The following SRCIN1 variants were observed in gnomAD, a reference collection of about 807,000 sequenced individuals.
SRCIN1 encodes the protein P130Cas-associated protein.
Under a neutral mutation model 116.2 loss-of-function variants are expected in SRCIN1, and 50 were observed. The ratio of observed to expected loss-of-function variants is 0.43; its 90% CI spans 0.34 to 0.54. The LOEUF (loss-of-function observed/expected upper bound fraction) is 0.54. SRCIN1 is among the 20% of genes least tolerant of loss of function. The probability of loss-of-function intolerance (pLI) is 0.02; values close to 1 mark genes in which losing one functional copy is unlikely to be tolerated. For missense variants in SRCIN1, 1,446 were observed against 1,672.0 expected (o/e 0.86, Z 2.36); for synonymous variants, 736 against 750.0 (o/e 0.98, Z 0.30).
chr17:38,596,333 C>A (rs751424298), intron 1 of SRCIN1, among the ~76,000 whole-genome samples: 1 of 152,088 alleles, frequency 6.6e-6, no homozygotes, highest in Non-Finnish European at 1.5e-5. Context: ...TTTGGGGCCC[C>A]CCAGGGCAGA....
In SRCIN1 at chr17:38,552,043, C is replaced by A. The variant is rs1201925948; in HGVS notation, c.2570G>T (p.Ser857Ile). 1 of 1,613,766 alleles carries A rather than the reference C, an allele frequency of 6.2e-7. No homozygotes were observed. Among genetic ancestry groups the A allele is most frequent in the Non-Finnish European group, 8.5e-7 (1 of 1,179,890 alleles). ...KVTAETDFNK[S>I]VDFEMPPPSP... ...GGGGGGTGGCATTTCGAAGTCCACG[C>A]TCTTGTTGAAGTCAGTCTCTGCCGT... Residue 857 changes from serine to isoleucine, a missense_variant, in exon 14 of 19, where the codon AGC (serine) becomes ATC (isoleucine). Around this residue, in one of 5 missense-constraint regions of SRCIN1, gnomAD observed 531 missense variants for 633.9 expected, o/e 0.84. Coordinates refer to ENST00000617146, the MANE Select transcript of SRCIN1 (RefSeq NM_025248.3). The surrounding 1 kb of genome is among the most constrained non-coding windows in gnomAD (Gnocchi z 5.3).
intron 18 of SRCIN1, among the ~76,000 whole-genome samples, chr17:38,536,546 T>C (rs1300576437): frequency 6.6e-6 from 1 of 152,212 alleles, no homozygotes; most frequent in African/African-American, 2.4e-5. Context: ...GCCAGGTCCA[T>C]GTTCCCGAGG....
chr17:38,606,164 T>C (rs1909360381), upstream of SRCIN1, among the ~76,000 whole-genome samples: 1 of 151,430 alleles, frequency 6.6e-6, no homozygotes, highest in Non-Finnish European at 1.5e-5. The surrounding 1 kb of genome is among the most constrained non-coding windows in gnomAD (Gnocchi z 5.2). Context: ...CACTCTCTCC[T>C]TCCCGCGCCA....
chr17:38,558,081 G>T lies in SRCIN1; in HGVS notation c.2201+146C>A, dbSNP rs1905920697. On this transcript the variant is annotated intron_variant, in intron 11 of 18. Transcript: ENST00000617146. This position sits in a 1 kb window ranked among gnomAD's most constrained non-coding sequence, Gnocchi z 4.6. Reference sequence around the variant, plus strand: ...AGTTTGTGGGTCACAGTGAAATCAGGCCAGAGGAGAATGAAATCAGGCTTC... The same window carrying T: ...AGTTTGTGGGTCACAGTGAAATCAGTCCAGAGGAGAATGAAATCAGGCTTC... 2.2e-6 allele frequency: 2 copies of T among 890,432 alleles called. No individual in the cohort carries two copies. Among genetic ancestry groups the T allele is most frequent in the Non-Finnish European group, 3.4e-6 (2 of 595,204 alleles). The allele number at this position is 890,432 out of a possible 1,614,324, so 55.2% of individuals were successfully genotyped here.
At chr17:38,553,978 G>A (rs534274940) in intron 11 of SRCIN1, among the ~76,000 whole-genome samples, 37 of 152,314 alleles carry the variant, frequency 2.4e-4, no homozygotes, top group African/African-American at 7.5e-4. Context: ...TTGGGAGGCC[G>A]AGGTGGGCTG....
chr17:38,588,582 C>G (rs1242224459), intron 1 of SRCIN1, among the ~76,000 whole-genome samples: 1 of 152,216 alleles, frequency 6.6e-6, no homozygotes. Context: ...TCTGAGGAGG[C>G]TGCCAGGGCG....
intron 11 of SRCIN1, among the ~76,000 whole-genome samples, chr17:38,554,238 A>G (rs1024905829): frequency 6.6e-6 from 1 of 151,312 alleles, no homozygotes; most frequent in East Asian, 1.9e-4. Flanking sequence ...TTCCCCCTTC[A>G]TGGGGGCCAT....
At chr17:38,566,866 T>TTTCGTTTCC (rs1555609840) in intron 3 of SRCIN1, among the ~76,000 whole-genome samples, 1 of 131,920 alleles carries the variant, frequency 7.6e-6, no homozygotes, top group African/African-American at 3.0e-5. Context: ...TTTTGTTTCG[T>TTTCGTTTCC]TTCCTTCCTT....
At position 38,563,860 on chromosome 17, in the gene SRCIN1, G is replaced by A. The variant is rs1449365227; in HGVS notation, c.541+258C>T. The A allele has an allele frequency of 3.3e-6, 2 of 611,628 alleles. No homozygotes were observed. The highest frequency in any genetic ancestry group is 5.8e-6 in the Non-Finnish European group (2 of 345,512). 37.9% of individuals were successfully genotyped at this position (611,628 alleles called of 1,614,324 possible). ...AGAGTTAGAGAAGGGAGATGGGAGA[G>A]AAGGGAGGGATGAAAGAAAGGGACA... On this transcript the variant is annotated intron_variant, in intron 4 of 18. Coordinates refer to ENST00000617146, the MANE Select transcript of SRCIN1 (RefSeq NM_025248.3). This position sits in a 1 kb window ranked among gnomAD's most constrained non-coding sequence, Gnocchi z 5.8.
rs1185858756 is a variant in SRCIN1 at position 38,559,760 on chromosome 17, C to T, written c.1850G>A (p.Gly617Asp). The T allele has an allele frequency of 7.9e-6, 12 of 1,519,604 alleles. No homozygotes were observed. Among genetic ancestry groups the T allele is most frequent in the Non-Finnish European group, 8.7e-6 (10 of 1,142,884 alleles). The allele number at this position is 1,519,604 out of a possible 1,614,324, so 94.1% of individuals were successfully genotyped here. Residue 617 changes from glycine to aspartate, a missense_variant, in exon 10 of 19, where the codon GGC (glycine) becomes GAC (aspartate). Gly to Asp is a moderately conservative substitution (Grantham distance 94). Coordinates refer to ENST00000617146, the MANE Select transcript of SRCIN1 (RefSeq NM_025248.3). Reference sequence around the variant, plus strand: ...CGGGGTGGCCCCGCTGCTCCGGCCGCCTGACCCACAGGCTGCAGAGGACCA... The same window carrying T: ...CGGGGTGGCCCCGCTGCTCCGGCCGTCTGACCCACAGGCTGCAGAGGACCA... Reference protein sequence around the residue: ...AATPSAPCGSGGRSSGATPVS... With the variant: ...AATPSAPCGSDGRSSGATPVS...
In SRCIN1 at chr17:38,604,691, T is replaced by TC. The variant is rs1192493046; in HGVS notation, c.22+992dup. On this transcript the variant is annotated intron_variant, in intron 1 of 18. Transcript: ENST00000617146. This position sits in a 1 kb window ranked among gnomAD's most constrained non-coding sequence, Gnocchi z 4.3. ...CTGAGCTGCGGAGGCACCCGGCCTG[T>TC]CCCCTCTGCTTCCACCAGCATCCTG... 3 of 346,068 alleles carry TC rather than the reference T, an allele frequency of 8.7e-6. No individual in the cohort carries two copies. Among genetic ancestry groups the TC allele is most frequent in the Non-Finnish European group, 1.7e-5 (3 of 175,466 alleles). 21.4% of individuals were successfully genotyped at this position (346,068 alleles called of 1,614,324 possible).
intron 1 of SRCIN1, among the ~76,000 whole-genome samples, chr17:38,603,262 C>T (rs184930839): frequency 1.4e-3 from 212 of 151,740 alleles, no homozygotes; most frequent in African/African-American, 4.9e-3. Context: ...TCAGAGAGGC[C>T]CTGCATCCCA....
At chr17:38,589,668 G>A (rs2471629) in intron 1 of SRCIN1, among the ~76,000 whole-genome samples, 35,374 of 152,062 alleles carry the variant, frequency 0.23, 5,055 homozygotes, top group African/African-American at 0.4. Flanking sequence ...TAGGTGCTCA[G>A]CGCCTCCACC....
chr17:38,531,136 A>G lies in SRCIN1; in HGVS notation c.*2161T>C, dbSNP rs561233071. On this transcript the variant is annotated 3_prime_UTR_variant, in exon 19 of 19. Transcript: ENST00000617146. ...CACAAAGGGACATTCAACTCAGGAC[A>G]ATGACGGTGGGGCACACATTCCAGT... is the stretch of plus-strand genomic sequence containing the variant. 6.6e-6 allele frequency: 1 copy of G among 152,524 alleles called. No individual in the cohort carries two copies. The highest frequency in any genetic ancestry group is 2.4e-5 in the African/African-American group (1 of 41,512). 9.4% of individuals were successfully genotyped at this position (152,524 alleles called of 1,614,324 possible).
chr17:38,605,575 C>A, intron 1 of SRCIN1, 109 bp downstream of exon 1: 1 of 879,762 alleles, frequency 1.1e-6, no homozygotes, highest in Non-Finnish European at 1.6e-6. Flanking sequence ...CCTCCCCGGC[C>A]CGGCCGCCGC....
At chr17:38,576,601 T>C (rs34816334) in intron 2 of SRCIN1, among the ~76,000 whole-genome samples, 13,119 of 152,040 alleles carry the variant, frequency 0.086, 593 homozygotes, top group African/African-American at 0.11. Context: ...TCCTGAGTGG[T>C]GCATATGGTG....
intron 1 of SRCIN1, 25 bp downstream of exon 1, chr17:38,605,659 A>T: frequency 1.5e-6 from 2 of 1,295,398 alleles, no homozygotes. Context: ...GAGGCACATT[A>T]GGGAGGAGAG....
chr17:38,586,152 C>G (rs1440059235), intron 1 of SRCIN1, among the ~76,000 whole-genome samples: 1 of 152,188 alleles, frequency 6.6e-6, no homozygotes, highest in African/African-American at 2.4e-5. Context: ...CTCCTGGTGA[C>G]TAGGGCAGGG....
At chr17:38,536,154 T>C (rs1904366024) in intron 18 of SRCIN1, among the ~76,000 whole-genome samples, 1 of 152,232 alleles carries the variant, frequency 6.6e-6, no homozygotes, top group African/African-American at 2.4e-5. Flanking sequence ...AGACCACTTC[T>C]GCAACATGTG....
Sources: allele counts gnomAD v4.1 joint callset (sites outside exome capture counted in the v4.1 genomes callset), GRCh38; gene constraint gnomAD v4.1.1; regional missense constraint gnomAD v4.1.1; non-coding constraint Gnocchi (gnomAD v3.1); transcripts MANE v1.5; gene names NCBI Gene and HGNC (gene_info 2026-07-23, HGNC 2026-07-21).